Variants in NSUN6 observed in about 807,000 individuals in gnomAD.
The protein encoded by NSUN6 is NOP2/Sun RNA methyltransferase 6.
NSUN6 carries 64 observed loss-of-function variants against 58.0 expected under a neutral mutation model. The observed-to-expected ratio is 1.10, with a 90% CI of 0.90 to 1.36. NSUN6 has a LOEUF of 1.36. Among genes scored for constraint, NSUN6 ranks in the 40% most tolerant of loss-of-function variants. The pLI is 0.00. For synonymous variants in NSUN6, 231 were observed against 193.9 expected, an observed-to-expected ratio of 1.19 and a Z score of -1.59; for missense variants, 701 against 550.1, an observed-to-expected ratio of 1.27 and a Z score of -2.74.
chr10:18,651,103 T>A, intron 1 of NSUN6, 26 bp downstream of exon 1: 1 of 1,571,490 alleles, frequency 6.4e-7, no homozygotes, highest in Non-Finnish European at 8.6e-7. Flanking sequence ...TTGCAAAATA[T>A]CAACTAACAT....
intron 5 of NSUN6, 111 bp downstream of exon 5, chr10:18,614,349 T>A (rs556312389): frequency 4.1e-5 from 16 of 392,832 alleles, no homozygotes; most frequent in Middle Eastern, 3.2e-4. Context: ...GTTGGATTTA[T>A]ACCAAAAAAA....
At chr10:18,585,776 T>A (rs930947864) in intron 8 of NSUN6, among the ~76,000 whole-genome samples, 173 bp downstream of exon 8, 1 of 125,932 alleles carries the variant, frequency 7.9e-6, no homozygotes, top group Non-Finnish European at 1.7e-5. Flanking sequence ...TCAAAGCTGC[T>A]ATGAGAGTAA....
chr10:18,652,425 TCACACCGAATTATA>T, upstream of NSUN6: 1 of 985,040 alleles, frequency 1.0e-6, no homozygotes, highest in Non-Finnish European at 1.2e-6. Flanking sequence ...TCTTTAATTT[TCACACCGAATTATA>T]CACACAGACA....
chr10:18,562,979 T>C (rs2055648726), intron 8 of NSUN6, among the ~76,000 whole-genome samples: 1 of 143,656 alleles, frequency 7.0e-6, no homozygotes, highest in Non-Finnish European at 1.5e-5. Context: ...TGGAAAGGAA[T>C]GGAGAATGGA....
At chr10:18,604,495 G>C (rs1188364747) in intron 6 of NSUN6, among the ~76,000 whole-genome samples, 1 of 152,136 alleles carries the variant, frequency 6.6e-6, no homozygotes, top group African/African-American at 2.4e-5. Context: ...CTGGGAACTT[G>C]TTAGAAATAC....
At chr10:18,557,399 CATGGAATGGAATGGAGA>C (rs1191954391) in intron 8 of NSUN6, among the ~76,000 whole-genome samples, 46 of 120,070 alleles carry the variant, frequency 3.8e-4, no homozygotes, top group African/African-American at 9.0e-4. Context: ...TGGAAGGGAG[CATGGAATGGAATGGAGA>C]ATGGAATGGA....
At chr10:18,570,007 T>C (rs923552232) in intron 8 of NSUN6, among the ~76,000 whole-genome samples, 2 of 148,684 alleles carry the variant, frequency 1.3e-5, no homozygotes, top group African/African-American at 2.5e-5. Flanking sequence ...CCATTCTCCA[T>C]TGCATTCCAC....
intron 8 of NSUN6, among the ~76,000 whole-genome samples, chr10:18,567,479 CCTCCATTCCATTCCATT>C (rs1453524991): frequency 2.0e-5 from 3 of 148,366 alleles, no homozygotes; most frequent in East Asian, 2.0e-4. Context: ...TCCATACCAT[CCTCCATTCCATTCCATT>C]CTCCATTCCA....
chr10:18,648,548 T>G lies in NSUN6; in HGVS notation c.173A>C (p.Asn58Thr). 1 of 1,607,514 alleles carries G rather than the reference T, an allele frequency of 6.2e-7. No individual in the cohort carries two copies. Among genetic ancestry groups the G allele is most frequent in the South Asian group, 1.1e-5 (1 of 90,902 alleles). ...HPPSFTTVRV[N>T]THLASVQHVK... ...ATGTTGTACTGAGGCTAAATGTGTA[T>G]TCACTCTGACAGTTGTAAATGATGG... Residue 58 changes from asparagine to threonine, a missense_variant, in exon 2 of 11, where the codon AAT (asparagine) becomes ACT (threonine). Asn to Thr is a moderately conservative substitution (Grantham distance 65). Transcript: ENST00000377304.
At position 18,616,760 on chromosome 10, in the gene NSUN6, T is replaced by C. The variant is rs187896898; in HGVS notation, c.312-467A>G. Reference sequence around the variant, plus strand: ...TTTGCTGCCCAACCTTTTTGAGTCTTTTCCAGTTTCTCACATTCATTTCTT... The same window carrying C: ...TTTGCTGCCCAACCTTTTTGAGTCTCTTCCAGTTTCTCACATTCATTTCTT... On this transcript the variant is annotated intron_variant, in intron 3 of 10. Transcript: ENST00000377304. 7.2e-5 allele frequency among the ~76,000 whole-genome samples: 11 copies of C among 152,246 alleles called. No homozygotes were observed. The East Asian group carries it at 2.1e-3, about 29-fold the overall frequency.
intron 3 of NSUN6, among the ~76,000 whole-genome samples, chr10:18,621,998 A>G (rs2058622488): frequency 6.8e-6 from 1 of 147,940 alleles, no homozygotes. Context: ...ATTCTATTGC[A>G]ATAACCCTAT....
intron 3 of NSUN6, among the ~76,000 whole-genome samples, chr10:18,624,734 G>A (rs998472033): frequency 4.7e-5 from 3 of 64,512 alleles, no homozygotes; most frequent in African/African-American, 1.5e-4. Flanking sequence ...AAAAATTAAA[G>A]TAACAGGCTT....
chr10:18,627,501 G>C (rs1310985199), intron 3 of NSUN6, among the ~76,000 whole-genome samples: 4 of 152,160 alleles, frequency 2.6e-5, no homozygotes, highest in Non-Finnish European at 4.4e-5. Flanking sequence ...CTGAGGTACC[G>C]GGTTCATCTC....
In NSUN6 at chr10:18,548,138, A is replaced by T; in HGVS notation, c.1171T>A (p.Phe391Ile). Residue 391 changes from phenylalanine to isoleucine, a missense_variant, in exon 10 of 11, where the codon TTT becomes ATT. Transcript: ENST00000377304. ...TGGGGCTGAAGCTGAAGGCAAGGAA[A>T]TTTTGTCAGGGCCCAGGCAACCTGT... ...EEQVAWALTK[F>I]PCLQLQPQEP... 6.2e-7 allele frequency: 1 copy of T among 1,613,896 alleles called. No homozygotes were observed. The highest frequency in any genetic ancestry group is 1.7e-4 in the Middle Eastern group (1 of 6,060).
In NSUN6 at chr10:18,651,356, G is replaced by A. The variant is rs1391120955; in HGVS notation, c.-153C>T. 1 of 1,361,762 alleles carries A rather than the reference G, an allele frequency of 7.3e-7. No individual in the cohort carries two copies. 84.4% of individuals were successfully genotyped at this position (1,361,762 alleles called of 1,614,324 possible). A position where few individuals can be genotyped will look rare whatever the true frequency, so the allele number is the denominator to read the frequency against. On this transcript the variant is annotated 5_prime_UTR_variant, in exon 1 of 11. Coordinates refer to ENST00000377304, the MANE Select transcript of NSUN6 (RefSeq NM_182543.5). ...GCTGAGTTAATTTCGGAAATGCAGA[G>A]GTACACGCTTTCTCAAGCCTAGCCG... is the stretch of plus-strand genomic sequence containing the variant.
intron 6 of NSUN6, among the ~76,000 whole-genome samples, chr10:18,603,473 C>CT (rs1245707205): frequency 0.02 from 2,961 of 147,520 alleles, 47 homozygotes; most frequent in Non-Finnish European, 0.029. Flanking sequence ...CTTTTCTTTT[C>CT]TTTTCTTTTT....
chr10:18,566,097 T>A (rs1239431808), intron 8 of NSUN6, among the ~76,000 whole-genome samples: 1 of 151,598 alleles, frequency 6.6e-6, no homozygotes, highest in African/African-American at 2.4e-5. Context: ...TTCTATTCCA[T>A]TCCACAATCC....
chr10:18,637,735 T>C (rs560738375), intron 3 of NSUN6, among the ~76,000 whole-genome samples: 5 of 152,340 alleles, frequency 3.3e-5, no homozygotes, highest in South Asian at 2.1e-4. Context: ...CAATGGAGGA[T>C]AGAAAATTTA....
At chr10:18,617,603 C>CA (rs1233020819) in intron 3 of NSUN6, among the ~76,000 whole-genome samples, 1 of 152,124 alleles carries the variant, frequency 6.6e-6, no homozygotes, top group African/African-American at 2.4e-5. Context: ...TCCATTCCTC[C>CA]ACTCCTTGGC....
Sources: gnomAD v4.1 joint callset for allele counts (sites outside exome capture counted in the v4.1 genomes callset) on GRCh38, gnomAD v4.1.1 for gene constraint, MANE v1.5 for transcripts, NCBI Gene and HGNC (gene_info 2026-07-23, HGNC 2026-07-21) for gene names.